Variants in SEC23A observed in about 807,000 individuals in gnomAD.
SEC23A encodes the protein protein transport protein Sec23A.
A neutral mutation model predicts 103.7 loss-of-function variants in SEC23A; 56 were observed. The ratio of observed to expected loss-of-function variants is 0.54; its 90% CI spans 0.44 to 0.67. The LOEUF (loss-of-function observed/expected upper bound fraction) is 0.67, where lower values mean the gene tolerates loss of function less well. Ranked by LOEUF, SEC23A falls within the 30% of genes least tolerant of loss-of-function variation. SEC23A has a pLI of 0.00. For missense variants in SEC23A, 784 were observed against 936.4 expected (o/e 0.84, Z 2.12); for synonymous variants, 281 against 293.0 (o/e 0.96, Z 0.42).
At chr14:39,079,170 T>C (rs531550894) in intron 7 of SEC23A, among the ~76,000 whole-genome samples, 2 of 152,112 alleles carry the variant, frequency 1.3e-5, no homozygotes, top group South Asian at 4.1e-4. Flanking sequence ...TAGAATTCTA[T>C]AGCCACCCAA....
At chr14:39,050,808 G>GAAGA (rs3064945) in intron 14 of SEC23A, among the ~76,000 whole-genome samples, 35,088 of 150,588 alleles carry the variant, frequency 0.23, 4,599 homozygotes, top group Middle Eastern at 0.36. Context: ...GGAAAGAAAG[G>GAAGA]AAGAAAGAAA....
chr14:39,059,799 TATA>T (rs1886408174), intron 13 of SEC23A, among the ~76,000 whole-genome samples: 1 of 152,188 alleles, frequency 6.6e-6, no homozygotes, highest in African/African-American at 2.4e-5. Context: ...CTAACACTGA[TATA>T]ATGCCATTAT....
In SEC23A at chr14:39,054,931, C is replaced by T. The variant is rs45540035; in HGVS notation, c.1659+212G>A. 0.082 allele frequency among the ~76,000 whole-genome samples: 12,512 copies of T among 152,156 alleles called. 544 individuals carry two copies. The highest frequency in any genetic ancestry group is 0.12 in the African/African-American group (4,935 of 41,504). ...ATAGGTTACATAATTGTCACTCTTA[C>T]ATTTTAAGGAAAAAAGGCAATCTAG... On this transcript the variant is annotated intron_variant, in intron 14 of 19. Transcript: ENST00000307712.
chr14:39,076,383 G>C (rs369065138), intron 7 of SEC23A, among the ~76,000 whole-genome samples: 24 of 151,140 alleles, frequency 1.6e-4, no homozygotes, highest in African/African-American at 5.3e-4. Flanking sequence ...AGAGTGGAGA[G>C]AAAAGTGGAA....
At chr14:39,061,996 C>G in intron 12 of SEC23A, 125 bp from the exon 13 acceptor site, 1 of 695,704 alleles carries the variant, frequency 1.4e-6, no homozygotes, top group Non-Finnish European at 2.6e-6. Flanking sequence ...ATACTTATTT[C>G]CAGTGCATTC....
chr14:39,066,795 G>A lies in SEC23A; in HGVS notation c.1227+378C>T, dbSNP rs146649584. ...GGAGAATCACTTGAACCCAGGAGGC[G>A]GAGGCTGCAGTGAGACAACATCATG... On this transcript the variant is annotated intron_variant, in intron 10 of 19. Coordinates refer to ENST00000307712, the MANE Select transcript of SEC23A (RefSeq NM_006364.4). Among the ~76,000 whole-genome samples the A allele has an allele frequency of 8.4e-3, 1,283 of 152,162 alleles. 17 individuals are homozygous for A. Among genetic ancestry groups the A allele is most frequent in the South Asian group, 0.014 (68 of 4,814 alleles).
chr14:39,041,437 C>T (rs1344516254), intron 17 of SEC23A: 1 of 79,170 alleles, frequency 1.3e-5, no homozygotes, highest in East Asian at 4.5e-4. Flanking sequence ...AAAAAAAAGC[C>T]CTGTCAGTAT....
At chr14:39,070,131 G>C (rs1290312215) in intron 9 of SEC23A, among the ~76,000 whole-genome samples, 1 of 152,206 alleles carries the variant, frequency 6.6e-6, no homozygotes, top group Non-Finnish European at 1.5e-5. Context: ...GAAATTATAC[G>C]GAAGAGCCCT....
At chr14:39,101,766 A>G (rs899629859) in intron 1 of SEC23A, among the ~76,000 whole-genome samples, 2 of 152,190 alleles carry the variant, frequency 1.3e-5, no homozygotes, top group African/African-American at 4.8e-5. Context: ...TTAGTTGCCA[A>G]TTAAATTTGT....
At position 39,032,536 on chromosome 14, in the gene SEC23A, C is replaced by T. The variant is rs1885336885; in HGVS notation, c.*703G>A. Reference sequence around the variant, plus strand: ...CAACAAAACCATTTATTTTCTATCTCCCCTTTTAAAAAAACTACTGCGTTT... The same window carrying T: ...CAACAAAACCATTTATTTTCTATCTTCCCTTTTAAAAAAACTACTGCGTTT... On this transcript the variant is annotated 3_prime_UTR_variant, in exon 20 of 20. Transcript: ENST00000307712. 6.6e-6 allele frequency: 1 copy of T among 152,498 alleles called. No homozygotes were observed. Among genetic ancestry groups the T allele is most frequent in the South Asian group, 2.1e-4 (1 of 4,824 alleles). 9.4% of individuals were successfully genotyped at this position (152,498 alleles called of 1,614,324 possible).
intron 5 of SEC23A, chr14:39,087,848 A>G (rs1887497732): frequency 6.6e-6 from 1 of 152,184 alleles, no homozygotes; most frequent in Non-Finnish European, 1.5e-5. Context: ...ACCTTTATAT[A>G]TACTATTTCC....
chr14:39,061,069 T>C (rs564945941), intron 13 of SEC23A, among the ~76,000 whole-genome samples: 4 of 152,340 alleles, frequency 2.6e-5, no homozygotes, highest in South Asian at 4.1e-4. Flanking sequence ...AATAATCTTA[T>C]ATCTTATTAA....
chr14:39,043,619 G>A (rs1202124933), intron 16 of SEC23A, among the ~76,000 whole-genome samples: 1 of 152,274 alleles, frequency 6.6e-6, no homozygotes, highest in African/African-American at 2.4e-5. Flanking sequence ...ATCACTGAGA[G>A]GGAAGACAGG....
intron 13 of SEC23A, among the ~76,000 whole-genome samples, chr14:39,059,300 A>AAAAAC (rs1886382245): frequency 9.9e-6 from 1 of 100,820 alleles, no homozygotes; most frequent in Non-Finnish European, 2.1e-5. Flanking sequence ...AAAAAAAAAA[A>AAAAAC]AAAAAAAAAA....
chr14:39,083,869 A>G (rs1057055262), intron 7 of SEC23A, among the ~76,000 whole-genome samples: 7 of 150,590 alleles, frequency 4.6e-5, no homozygotes, highest in Admixed American at 2.6e-4. Context: ...CAAGCCCAAA[A>G]TTAACTTTCT....
intron 14 of SEC23A, among the ~76,000 whole-genome samples, chr14:39,052,021 T>G (rs914393322): frequency 6.7e-6 from 1 of 148,904 alleles, no homozygotes; most frequent in Non-Finnish European, 1.5e-5. Context: ...ACAGATGGAA[T>G]TGGAAGCCAT....
chr14:39,069,118 T>C (rs1174123321), intron 9 of SEC23A, among the ~76,000 whole-genome samples: 1 of 152,156 alleles, frequency 6.6e-6, no homozygotes, highest in African/African-American at 2.4e-5. Flanking sequence ...TCTGCTCCCT[T>C]TTACAGTAAA....
chr14:39,057,706 G>A (rs755986421), intron 13 of SEC23A, among the ~76,000 whole-genome samples: 6 of 152,118 alleles, frequency 3.9e-5, no homozygotes, highest in Non-Finnish European at 7.3e-5. Context: ...TAGGATATAC[G>A]TGTGCCCACA....
At chr14:39,094,307 T>TACATATATATGCATATATACACATATAC (rs1566514429) in intron 2 of SEC23A, among the ~76,000 whole-genome samples, 4 of 82,184 alleles carry the variant, frequency 4.9e-5, no homozygotes, top group South Asian at 3.8e-4. Flanking sequence ...TATACACATA[T>TACATATATATGCATATATACACATATAC]ACATATATAT....
Sources: gnomAD v4.1 joint callset for allele counts (sites outside exome capture counted in the v4.1 genomes callset) on GRCh38, gnomAD v4.1.1 for gene constraint, MANE v1.5 for transcripts, NCBI Gene and HGNC (gene_info 2026-07-23, HGNC 2026-07-21) for gene names.